Variants in MIA2 observed in about 807,000 individuals in gnomAD.
The protein encoded by MIA2 is melanoma inhibitory activity protein 2.
MIA2 carries 127 observed loss-of-function variants against 167.8 expected under a neutral mutation model. The observed-to-expected ratio is 0.76, with a 90% CI of 0.66 to 0.88. The LOEUF is 0.88. Ranked by LOEUF, MIA2 falls within the 40% of genes least tolerant of loss-of-function variation. The pLI, the probability that MIA2 is intolerant of heterozygous loss-of-function variation, is 0.00. For missense variants in MIA2, 1,690 were observed against 1,624.7 expected, an observed-to-expected ratio of 1.04 and a Z score of -0.69; for synonymous variants, 552 against 541.9, an observed-to-expected ratio of 1.02 and a Z score of -0.26.
chr14:39,341,139 T>TA (rs1220262905), intron 25 of MIA2, among the ~76,000 whole-genome samples: 1 of 151,932 alleles, frequency 6.6e-6, no homozygotes, highest in African/African-American at 2.4e-5. Flanking sequence ...CCGTCTCTAC[T>TA]AAAAATACAA....
chr14:39,279,558 A>G, intron 9 of MIA2, 21 bp downstream of exon 9: 1 of 1,495,138 alleles, frequency 6.7e-7, no homozygotes, highest in Non-Finnish European at 9.2e-7. Context: ...TTTGAAAATA[A>G]TATTCATGTT....
At chr14:39,245,887 T>C (rs1057275479) in intron 3 of MIA2, among the ~76,000 whole-genome samples, 34 of 152,138 alleles carry the variant, frequency 2.2e-4, no homozygotes, top group African/African-American at 7.2e-4. Flanking sequence ...TTCCAATATA[T>C]GGTTTTTGGG....
downstream of MIA2, among the ~76,000 whole-genome samples, chr14:39,354,829 A>G (rs143289881): frequency 0.032 from 4,817 of 152,058 alleles, 279 homozygotes; most frequent in African/African-American, 0.11. Context: ...TCCTTTCCCC[A>G]TTTCTTGTTT....
At chr14:39,242,296 T>C (rs1309892144) in intron 3 of MIA2, among the ~76,000 whole-genome samples, 1 of 151,898 alleles carries the variant, frequency 6.6e-6, no homozygotes, top group African/African-American at 2.4e-5. Context: ...CACAGCTTTC[T>C]GTTTATTTCC....
chr14:39,367,789 C>T (rs567253727), intron 23 of MIA2, among the ~76,000 whole-genome samples: 4 of 151,418 alleles, frequency 2.6e-5, no homozygotes, highest in African/African-American at 7.3e-5. Flanking sequence ...CTTGAAGCCC[C>T]TTCTCTTCTC....
rs1261238723 is a variant in MIA2, at chr14:39,294,981, A to G, written c.2448A>G (p.Ile816Met). 5 of 1,614,068 alleles carry G rather than the reference A, an allele frequency of 3.1e-6. No homozygotes were observed. Among genetic ancestry groups the G allele is most frequent in the Admixed American group, 1.7e-5 (1 of 60,016 alleles). The part of the protein sequence containing the change: ...QMNEERLKIA[I>M]KDALNENSQL... ...ATGAAGAACGACTGAAGATAGCAAT[A>G]AAAGATGCTTTGAATGAAAATTCTC... The change falls in exon 13 of 29, where the codon ATA (isoleucine) becomes ATG (methionine). Residue 816 changes from isoleucine to methionine, a missense_variant. By Grantham distance (10) the Ile-to-Met change is conservative. Transcript: ENST00000640607.
At chr14:39,306,663 A>C (rs1043625480) in intron 17 of MIA2, among the ~76,000 whole-genome samples, 1 of 152,206 alleles carries the variant, frequency 6.6e-6, no homozygotes, top group Non-Finnish European at 1.5e-5. Flanking sequence ...ATACCATTAC[A>C]TGTAATTACT....
At chr14:39,253,632 T>C (rs11627580) in intron 6 of MIA2, 40,589 of 140,720 alleles carry the variant, frequency 0.29, 5,692 homozygotes, top group East Asian at 0.5. Flanking sequence ...CTAGACCTTA[T>C]CTCTTAAAAA....
intron 6 of MIA2, among the ~76,000 whole-genome samples, chr14:39,261,522 G>A (rs1276073525): frequency 1.3e-5 from 2 of 152,134 alleles, no homozygotes; most frequent in African/African-American, 2.4e-5. Context: ...GGATGGCTGG[G>A]TCAAATGCTA....
At position 39,240,586 on chromosome 14, in the gene MIA2, C is replaced by G. The variant is rs777022171; in HGVS notation, c.275C>G (p.Pro92Arg). The change falls in exon 3 of 29, where the codon CCC becomes CGC. Residue 92 changes from proline to arginine, a missense_variant. Coordinates refer to ENST00000640607, the MANE Select transcript of MIA2 (RefSeq NM_001329214.4). The stretch of plus-strand genomic sequence containing the variant: ...AAAGGAAAGGAGTTTGGATATTTTC[C>G]CAGAGATGCAGTCCAGATTGAAGAG... ...GSKGKEFGYF[P>R]RDAVQIEEVF... 1 of 1,612,534 alleles carries G rather than the reference C, an allele frequency of 6.2e-7. No individual in the cohort carries two copies. Among genetic ancestry groups the G allele is most frequent in the South Asian group, 1.1e-5 (1 of 90,942 alleles).
chr14:39,327,791 A>G (rs2067883456), intron 25 of MIA2, among the ~76,000 whole-genome samples: 1 of 152,206 alleles, frequency 6.6e-6, no homozygotes, highest in South Asian at 2.1e-4. Context: ...CTTGCAAAGG[A>G]CATGAACTCA....
At chr14:39,267,424 G>T (rs781021576) in intron 6 of MIA2, 1 of 1,610,340 alleles carries the variant, frequency 6.2e-7, no homozygotes, top group Non-Finnish European at 8.5e-7. Context: ...GACAGGCCGG[G>T]GTTACTGTGG....
intron 13 of MIA2, among the ~76,000 whole-genome samples, chr14:39,298,078 A>G (rs1408669316): frequency 1.3e-5 from 2 of 151,302 alleles, no homozygotes; most frequent in African/African-American, 2.4e-5. Context: ...GTTTTCTGCC[A>G]TTTTAATAGA....
intron 13 of MIA2, among the ~76,000 whole-genome samples, chr14:39,295,704 C>T (rs555130676): frequency 5.3e-4 from 81 of 152,150 alleles, no homozygotes; most frequent in African/African-American, 2.9e-4. Flanking sequence ...GGACTACAGG[C>T]GCGCGCCTCC....
chr14:39,291,222 C>T lies in MIA2; in HGVS notation c.2208+126C>T, dbSNP rs1595147743. ...GAAAGAGCATCTCTGGATGTTAAAA[C>T]TTAAATAAGAAAATTAATATAGGAA... On this transcript the variant is annotated intron_variant, in intron 10 of 28. Coordinates refer to ENST00000640607, the MANE Select transcript of MIA2 (RefSeq NM_001329214.4). 2.0e-5 allele frequency: 14 copies of T among 707,618 alleles called. No individual in the cohort carries two copies. In the East Asian group the frequency reaches 4.1e-4, roughly 21 times the overall value. 43.8% of individuals were successfully genotyped at this position (707,618 alleles called of 1,614,324 possible). A position where few individuals can be genotyped will look rare whatever the true frequency, so the allele number is the denominator to read the frequency against.
In MIA2 at chr14:39,300,616, A is replaced by G. The variant is rs1018781293; in HGVS notation, c.2619+630A>G. ...CTCACTCATAGGTGGGAGTTGAACA[A>G]TGAGGACACTTGGACACAGGAAGAG... On this transcript the variant is annotated intron_variant, in intron 14 of 28. Transcript: ENST00000640607. Among the ~76,000 whole-genome samples the G allele has an allele frequency of 4.2e-5, 6 of 141,230 alleles. No homozygotes were observed. The East Asian group carries it at 8.6e-4, about 20-fold the overall frequency. The allele number at this position is 141,230 out of a possible 152,430, so 92.7% of individuals were successfully genotyped here. A position where few individuals can be genotyped will look rare whatever the true frequency, so the allele number is the denominator to read the frequency against.
At chr14:39,298,073 C>T (rs1236858288) in intron 13 of MIA2, among the ~76,000 whole-genome samples, 5 of 150,962 alleles carry the variant, frequency 3.3e-5, no homozygotes, top group Non-Finnish European at 5.9e-5. Context: ...AATCTGTTTT[C>T]TGCCATTTTA....
intron 15 of MIA2, among the ~76,000 whole-genome samples, chr14:39,302,653 G>T (rs540143017): frequency 3.3e-5 from 5 of 152,114 alleles, no homozygotes; most frequent in African/African-American, 9.7e-5. Flanking sequence ...TTTGTCAGAG[G>T]TTCAGATGGT....
Position 39,252,975 on chromosome 14 carries a change from C to G in MIA2, c.1786+9C>G. ...TTATATTTCTCAGAAAGGTAAGAAACAGGTTATTTATTCTCTAATGCATCA... is the reference window on the plus strand; with the variant it reads ...TTATATTTCTCAGAAAGGTAAGAAAGAGGTTATTTATTCTCTAATGCATCA... On this transcript the variant is annotated intron_variant, in intron 5 of 28. Transcript: ENST00000640607. 1 of 1,592,980 alleles carries G rather than the reference C, an allele frequency of 6.3e-7. No individual in the cohort carries two copies.
Sources: allele counts gnomAD v4.1 joint callset (sites outside exome capture counted in the v4.1 genomes callset), GRCh38; gene constraint gnomAD v4.1.1; transcripts MANE v1.5; gene names NCBI Gene and HGNC (gene_info 2026-07-23, HGNC 2026-07-21).